Variants in MCM2 observed in about 807,000 individuals in gnomAD.
The protein encoded by MCM2 is minichromosome maintenance complex component 2, also known as DNA replication licensing factor MCM2.
Under a neutral mutation model 86.4 loss-of-function variants are expected in MCM2, and 49 were observed. That is an observed-to-expected ratio of 0.57 (90% CI 0.45 to 0.72). The LOEUF (loss-of-function observed/expected upper bound fraction) is 0.72. Ranked by LOEUF, MCM2 falls within the 30% of genes least tolerant of loss-of-function variation. MCM2 has a pLI of 0.00. For missense variants in MCM2, 1,038 were observed against 1,259.9 expected (o/e 0.82, Z 2.67); for synonymous variants, 475 against 484.6 (o/e 0.98, Z 0.26).
At chr3:127,604,859 G>A (rs2074333300) in intron 3 of MCM2, 37 bp from the exon 4 acceptor site, 1 of 1,586,182 alleles carries the variant, frequency 6.3e-7, no homozygotes, top group South Asian at 1.1e-5. Flanking sequence ...AAGGTGCTGG[G>A]GATGACCGCA....
chr3:127,604,875 A>T, intron 3 of MCM2, 21 bp from the exon 4 acceptor site: 1 of 1,598,772 alleles, frequency 6.3e-7, no homozygotes, highest in Non-Finnish European at 8.5e-7. Flanking sequence ...CCGCAGTAGC[A>T]GGTGTCTCTT....
rs1458986507 is a variant in MCM2 at position 127,617,750 on chromosome 3, T to C, written c.1901-219T>C. 40 of 590,940 alleles carry C rather than the reference T, an allele frequency of 6.8e-5. No individual in the cohort carries two copies. Among genetic ancestry groups the C allele is most frequent in the Non-Finnish European group, 1.8e-5 (6 of 332,270 alleles). The allele number at this position is 590,940 out of a possible 1,614,324, so 36.6% of individuals were successfully genotyped here. On this transcript the variant is annotated intron_variant, in intron 11 of 15. Transcript: ENST00000265056. The surrounding 1 kb of genome is among the most constrained non-coding windows in gnomAD (Gnocchi z 4.1). ...TGTCACCCACTGTGTTCTTGGTTTT[T>C]CCTCCTGGGGAAGCAGTTATGCTTT...
rs1315834058 is a variant in MCM2, at chr3:127,622,408, A to T, written c.*635A>T. On this transcript the variant is annotated 3_prime_UTR_variant, in exon 16 of 16. Coordinates refer to ENST00000265056, the MANE Select transcript of MCM2 (RefSeq NM_004526.4). ...ATTCGGTTTGGTTTCTGTAGTTTTA[A>T]TTTTTAATAAAGTTGAATAAAATAT... is the stretch of plus-strand genomic sequence containing the variant. 1 of 152,138 alleles carries T rather than the reference A, an allele frequency of 6.6e-6. No homozygotes were observed. Among genetic ancestry groups the T allele is most frequent in the African/African-American group, 2.4e-5 (1 of 41,398 alleles). The allele number at this position is 152,138 out of a possible 1,614,324, so 9.4% of individuals were successfully genotyped here. A position where few individuals can be genotyped will look rare whatever the true frequency, so the allele number is the denominator to read the frequency against.
chr3:127,600,645 G>A (rs2074300942), intron 2 of MCM2, among the ~76,000 whole-genome samples: 1 of 152,140 alleles, frequency 6.6e-6, no homozygotes, highest in Non-Finnish European at 1.5e-5. Context: ...GAGGAGTCTG[G>A]ATAAATCTGC....
At position 127,608,860 on chromosome 3, in the gene MCM2, A is replaced by G; in HGVS notation, c.1265A>G (p.Tyr422Cys). ...CTGACTGGCATCTATCACAACAACTATGATGGCTCCCTCAACACTGCCAAT... is the reference window on the plus strand; with the variant it reads ...CTGACTGGCATCTATCACAACAACTGTGATGGCTCCCTCAACACTGCCAAT... ...IELTGIYHNNYDGSLNTANGF... is the reference protein window; with the variant it reads ...IELTGIYHNNCDGSLNTANGF... The change falls in exon 8 of 16, where the codon TAT becomes TGT. Residue 422 changes from tyrosine to cysteine, a missense_variant. Tyr to Cys is a radical substitution (Grantham distance 194, BLOSUM62 -2). Around this residue, in one of 4 missense-constraint regions of MCM2, gnomAD observed 399 missense variants for 507.2 expected, o/e 0.79. Transcript: ENST00000265056. 5 of 1,614,128 alleles carry G rather than the reference A, an allele frequency of 3.1e-6. No homozygotes were observed. The highest frequency in any genetic ancestry group is 4.2e-6 in the Non-Finnish European group (5 of 1,180,008).
Position 127,616,076 on chromosome 3 carries a change from A to T in MCM2, c.1522+121A>T, listed in dbSNP as rs2074430678. On this transcript the variant is annotated intron_variant, in intron 9 of 15. Coordinates refer to ENST00000265056, the MANE Select transcript of MCM2 (RefSeq NM_004526.4). ...CTGGGGAGAAAGAATGCATTAAAAG[A>T]TGGTCTGGCTGGGCGTGACTCATTC... 6 of 816,794 alleles carry T rather than the reference A, an allele frequency of 7.3e-6. 1 individual carries two copies. In the South Asian group the frequency reaches 9.1e-5, roughly 12 times the overall value. 50.6% of individuals were successfully genotyped at this position (816,794 alleles called of 1,614,324 possible).
Position 127,617,943 on chromosome 3 carries a change from G to C in MCM2, c.1901-26G>C, listed in dbSNP as rs373548732. On this transcript the variant is annotated intron_variant, in intron 11 of 15. Coordinates refer to ENST00000265056, the MANE Select transcript of MCM2 (RefSeq NM_004526.4). The surrounding 1 kb of genome is among the most constrained non-coding windows in gnomAD (Gnocchi z 4.1). ...ATGGGAGGATAGGGGAATCCACCCT[G>C]ATGGAGGTGCTCCCCTGTGTTTCAG... 4,053 of 1,575,458 alleles carry C rather than the reference G, an allele frequency of 2.6e-3. 13 individuals are homozygous for C. The highest frequency in any genetic ancestry group is 6.7e-3 in the South Asian group (593 of 89,008).
In MCM2 at chr3:127,606,559, G is replaced by T; in HGVS notation, c.894-51G>T. 1 of 1,545,626 alleles carries T rather than the reference G, an allele frequency of 6.5e-7. No homozygotes were observed. The highest frequency in any genetic ancestry group is 2.3e-5 in the East Asian group (1 of 44,392). On this transcript the variant is annotated intron_variant, in intron 5 of 15. Transcript: ENST00000265056. This position sits in a 1 kb window ranked among gnomAD's most constrained non-coding sequence, Gnocchi z 4.2. ...GTGTGTTGGGACACTCTCGTCTGCA[G>T]CCTGGCCTCACCCTGGCTCACGGCT...
intron 8 of MCM2, among the ~76,000 whole-genome samples, chr3:127,609,923 C>T (rs573550164): frequency 9.2e-4 from 126 of 136,888 alleles, no homozygotes; most frequent in African/African-American, 3.3e-3. Flanking sequence ...CAGCTCACTA[C>T]AGCCTCTGCC....
At position 127,598,420 on chromosome 3, in the gene MCM2, C is replaced by G. The variant is rs1482115085; in HGVS notation, c.-47C>G. The G allele has an allele frequency of 6.2e-7, 1 of 1,613,266 alleles. No individual in the cohort carries two copies. Among genetic ancestry groups the G allele is most frequent in the South Asian group, 1.1e-5 (1 of 90,986 alleles). ...TGGGTCACGTGAACCACTTTTCGCG[C>G]GAAACCTGGTTGTTGCTGTAGTGGC... On this transcript the variant is annotated 5_prime_UTR_variant, in exon 1 of 16. Coordinates refer to ENST00000265056, the MANE Select transcript of MCM2 (RefSeq NM_004526.4).
chr3:127,620,920 AGTGAAGGAG>A, intron 14 of MCM2, 40 bp downstream of exon 14: 1 of 1,577,864 alleles, frequency 6.3e-7, no homozygotes, highest in Non-Finnish European at 8.6e-7. Context: ...GGGCAAGCTC[AGTGAAGGAG>A]GCCACACGTG....
intron 1 of MCM2, chr3:127,598,799 T>C (rs2074278652): frequency 9.3e-6 from 4 of 429,728 alleles, no homozygotes; most frequent in African/African-American, 2.1e-5. Context: ...TAAACTTTTT[T>C]TTTTTTTAAT....
chr3:127,617,514 G>A lies in MCM2; in HGVS notation c.1900+109G>A. 7.3e-7 allele frequency: 1 copy of A among 1,360,826 alleles called. No homozygotes were observed. The highest frequency in any genetic ancestry group is 9.8e-7 in the Non-Finnish European group (1 of 1,018,024). 84.3% of individuals were successfully genotyped at this position (1,360,826 alleles called of 1,614,324 possible). On this transcript the variant is annotated intron_variant, in intron 11 of 15. Coordinates refer to ENST00000265056, the MANE Select transcript of MCM2 (RefSeq NM_004526.4). This position sits in a 1 kb window ranked among gnomAD's most constrained non-coding sequence, Gnocchi z 4.1. ...CAGGAGCCGATCTGAGGAAGTCATT[G>A]TGCAGCAGAGGGTTCCCCTCTTCTG...
chr3:127,600,549 G>C (rs1281740211), intron 2 of MCM2, among the ~76,000 whole-genome samples: 2 of 152,134 alleles, frequency 1.3e-5, no homozygotes, highest in African/African-American at 2.4e-5. Context: ...AGGCTTTCAA[G>C]GGCACTCCAG....
At chr3:127,603,818 C>T (rs780313855) in intron 2 of MCM2, among the ~76,000 whole-genome samples, 6 of 152,176 alleles carry the variant, frequency 3.9e-5, no homozygotes, top group Admixed American at 6.5e-5. Context: ...CATGACACTA[C>T]GCCCAGCTAA....
At position 127,598,495 on chromosome 3, in the gene MCM2, G is replaced by A. The variant is rs1231331363; in HGVS notation, c.6+23G>A. 3 of 1,611,740 alleles carry A rather than the reference G, an allele frequency of 1.9e-6. No individual in the cohort carries two copies. The South Asian group carries it at 3.3e-5, about 18-fold the overall frequency. Reference sequence around the variant, plus strand: ...GCGGTGAGCGCGCTGGCGCGTGGCGGGCGGGCGCCGGGGACATGGGTGCGG... The same window carrying A: ...GCGGTGAGCGCGCTGGCGCGTGGCGAGCGGGCGCCGGGGACATGGGTGCGG... On this transcript the variant is annotated intron_variant, in intron 1 of 15. Coordinates refer to ENST00000265056, the MANE Select transcript of MCM2 (RefSeq NM_004526.4).
In MCM2 at chr3:127,605,113, C is replaced by T. The variant is rs1267900822; in HGVS notation, c.630C>T (p.His210=). 3.7e-6 allele frequency: 6 copies of T among 1,614,138 alleles called. No individual in the cohort carries two copies. The highest frequency in any genetic ancestry group is 3.4e-6 in the Non-Finnish European group (4 of 1,180,034). ...KNFLRTHVDS[H]GHNVFKERIS... The stretch of plus-strand genomic sequence containing the variant: ...TCCTGCGCACTCACGTCGACAGCCA[C>T]GGCCACAACGTCTTCAAGGAGCGCA... The change falls in exon 4 of 16, where the codon CAC becomes CAT. Residue 210 remains histidine, a synonymous_variant. Transcript: ENST00000265056.
At chr3:127,600,927 C>G (rs1214735245) in intron 2 of MCM2, among the ~76,000 whole-genome samples, 1 of 151,826 alleles carries the variant, frequency 6.6e-6, no homozygotes, top group African/African-American at 2.4e-5. Flanking sequence ...GAGTTTACCC[C>G]TTGCGAAAAT....
intron 7 of MCM2, 114 bp from the exon 8 acceptor site, chr3:127,608,718 T>A: frequency 8.2e-7 from 1 of 1,222,646 alleles, no homozygotes; most frequent in Non-Finnish European, 1.2e-6. Flanking sequence ...CTGAGTTACT[T>A]ATCTTGGTGT....
Sources: gnomAD v4.1 joint callset for allele counts (sites outside exome capture counted in the v4.1 genomes callset) on GRCh38, gnomAD v4.1.1 for gene constraint, gnomAD v4.1.1 regional missense constraint, Gnocchi (gnomAD v3.1) non-coding constraint, MANE v1.5 for transcripts, NCBI Gene and HGNC (gene_info 2026-07-23, HGNC 2026-07-21) for gene names.